The following C17orf113 variants were observed in gnomAD, a reference collection of about 807,000 sequenced individuals.
C17orf113 encodes the protein chromosome 17 open reading frame 113.
A neutral mutation model predicts 11.6 loss-of-function variants in C17orf113; 5 were observed. The observed-to-expected ratio is 0.43, with a 90% CI of 0.23 to 0.91. The LOEUF (loss-of-function observed/expected upper bound fraction) is 0.91, where lower values mean the gene tolerates loss of function less well. C17orf113 is among the 40% of genes least tolerant of loss of function. The pLI is 0.26. For missense variants in C17orf113, 714 were observed against 841.3 expected (o/e 0.85, Z 1.87); for synonymous variants, 327 against 390.6 (o/e 0.84, Z 1.92).
At position 42,039,975 on chromosome 17, in the gene C17orf113, C is replaced by T. The variant is rs1231835002; in HGVS notation, c.1758G>A (p.Ala586=). ...GGAAGAGCTCGTGCAGCTCCGAGTGCGCGCACGCCAGCTGGGTGCACAGGG... is the reference window on the plus strand; with the variant it reads ...GGAAGAGCTCGTGCAGCTCCGAGTGTGCGCACGCCAGCTGGGTGCACAGGG... ...PRALCTQLAC[A]HSELHELFPD... Residue 586 remains alanine (A), a synonymous_variant, in exon 3 of 3, where the codon GCG becomes GCA. Coordinates refer to ENST00000587304, the MANE Select transcript of C17orf113 (RefSeq NM_001358661.2). The T allele has an allele frequency of 7.3e-6, 9 of 1,231,060 alleles. No individual in the cohort carries two copies. In the East Asian group the frequency reaches 1.9e-4, roughly 26 times the overall value. The allele number at this position is 1,231,060 out of a possible 1,614,324, so 76.3% of individuals were successfully genotyped here.
chr17:42,048,115 G>A (rs187260208), intron 1 of C17orf113, among the ~76,000 whole-genome samples: 253 of 151,990 alleles, frequency 1.7e-3, no homozygotes, highest in Non-Finnish European at 2.8e-3. Context: ...ACTTCAAATT[G>A]TCTAACATTT....
chr17:42,047,137 T>C (rs1159210073), intron 1 of C17orf113, among the ~76,000 whole-genome samples: 1 of 151,996 alleles, frequency 6.6e-6, no homozygotes, highest in African/African-American at 2.4e-5. Flanking sequence ...GTTCACGCCA[T>C]TCTCCTGCCT....
rs140221462 is a variant in C17orf113, at chr17:42,042,968, A to G, written c.409T>C (p.Cys137Arg). ...TTGGGCACATCCTCCTTTGCCATGC[A>G]GTACACAGTAGTCAGCACAGCCACT... Reference protein sequence around the residue: ...AKVAVLTTVYCMAKEDVPNDR... With the variant: ...AKVAVLTTVYRMAKEDVPNDR... The change falls in exon 2 of 3, where the codon TGC becomes CGC. Residue 137 changes from cysteine to arginine, a missense_variant. Transcript: ENST00000587304. The G allele has an allele frequency of 3.2e-6, 4 of 1,232,384 alleles. No individual in the cohort carries two copies. Among genetic ancestry groups the G allele is most frequent in the Non-Finnish European group, 4.0e-6 (4 of 988,110 alleles). The allele number at this position is 1,232,384 out of a possible 1,614,324, so 76.3% of individuals were successfully genotyped here.
At chr17:42,044,195 C>T (rs931931366) in intron 1 of C17orf113, among the ~76,000 whole-genome samples, 54 of 149,148 alleles carry the variant, frequency 3.6e-4, no homozygotes, top group African/African-American at 1.3e-3. Context: ...TGTCTAGTCC[C>T]AGCTACTGGG....
At position 42,043,476 on chromosome 17, in the gene C17orf113, G is replaced by A. The variant is rs1249542888; in HGVS notation, c.-100C>T. On this transcript the variant is annotated 5_prime_UTR_variant, in exon 2 of 3. Coordinates refer to ENST00000587304, the MANE Select transcript of C17orf113 (RefSeq NM_001358661.2). ...ACCTCCCTTGACAAGGAGAGTTGAT[G>A]GGGAGGCAGGCTGGGGGCAGCCCGC... is the stretch of plus-strand genomic sequence containing the variant. 30 of 1,099,842 alleles carry A rather than the reference G, an allele frequency of 2.7e-5. No homozygotes were observed. In the East Asian group the frequency reaches 8.7e-4, roughly 32 times the overall value. The allele number at this position is 1,099,842 out of a possible 1,614,324, so 68.1% of individuals were successfully genotyped here. A position where few individuals can be genotyped will look rare whatever the true frequency, so the allele number is the denominator to read the frequency against.
At chr17:42,042,331 G>A (rs1477119419) in intron 2 of C17orf113, among the ~76,000 whole-genome samples, 1 of 152,144 alleles carries the variant, frequency 6.6e-6, no homozygotes, top group Non-Finnish European at 1.5e-5. Flanking sequence ...AAACTGGCCT[G>A]GCCAACATGG....
intron 2 of C17orf113, among the ~76,000 whole-genome samples, chr17:42,041,554 T>G (rs1232770612): frequency 6.6e-6 from 1 of 152,226 alleles, no homozygotes; most frequent in African/African-American, 2.4e-5. Context: ...GTAAAAGCAC[T>G]TTATGAATCA....
Position 42,040,729 on chromosome 17 carries a change from A to C in C17orf113, c.1004T>G (p.Leu335Arg). ...GGPSSHLVPE[L>R]RAALDLAAID... The stretch of plus-strand genomic sequence containing the variant: ...AGCTGCAAGGTCCAGTGCTGCCCGG[A>C]GCTCAGGGACCAAGTGGGAACTAGG... Residue 335 changes from leucine to arginine, a missense_variant, in exon 3 of 3, where the codon CTC becomes CGC. By Grantham distance (102) the Leu-to-Arg change is moderately radical. Around this residue, in one of 3 missense-constraint regions of C17orf113, gnomAD observed 516 missense variants for 626.6 expected, o/e 0.82. Coordinates refer to ENST00000587304, the MANE Select transcript of C17orf113 (RefSeq NM_001358661.2). The C allele has an allele frequency of 8.1e-7, 1 of 1,232,358 alleles. No homozygotes were observed. Among genetic ancestry groups the C allele is most frequent in the Non-Finnish European group, 1.0e-6 (1 of 988,110 alleles). The allele number at this position is 1,232,358 out of a possible 1,614,324, so 76.3% of individuals were successfully genotyped here.
Position 42,042,880 on chromosome 17 carries a change from G to T in C17orf113, c.497C>A (p.Thr166Lys), listed in dbSNP as rs2053058302. The change falls in exon 2 of 3, where the codon ACA becomes AAA. Residue 166 changes from threonine (T) to lysine (K), a missense_variant. Transcript: ENST00000587304. Reference sequence around the variant, plus strand: ...GGGACTGTAGTAATCGCCATGCTCTGTGCCCAGCAGTGCCTGGCACAGGTT... The same window carrying T: ...GGGACTGTAGTAATCGCCATGCTCTTTGCCCAGCAGTGCCTGGCACAGGTT... Reference protein sequence around the residue: ...RFNLCQALLGTEHGDYYSPRR... With the variant: ...RFNLCQALLGKEHGDYYSPRR... The T allele has an allele frequency of 8.1e-7, 1 of 1,232,196 alleles. No homozygotes were observed. The highest frequency in any genetic ancestry group is 1.6e-5 in the African/African-American group (1 of 64,378). The allele number at this position is 1,232,196 out of a possible 1,614,324, so 76.3% of individuals were successfully genotyped here.
At position 42,040,190 on chromosome 17, in the gene C17orf113, C is replaced by T. The variant is rs1212275230; in HGVS notation, c.1543G>A (p.Ala515Thr). Residue 515 changes from alanine to threonine, a missense_variant, in exon 3 of 3, where the codon GCC (alanine) becomes ACC (threonine). By Grantham distance (58) the Ala-to-Thr change is moderately conservative. Coordinates refer to ENST00000587304, the MANE Select transcript of C17orf113 (RefSeq NM_001358661.2). ...GGGTCGAAGATCGCTGCGAAGGCGG[C>T]CACGGCGTCCAGCGAAGGCCCGGGG... ...SYPGPSLDAV[A>T]AFAAIFDPRR... 17 of 1,231,456 alleles carry T rather than the reference C, an allele frequency of 1.4e-5. No homozygotes were observed. Among genetic ancestry groups the T allele is most frequent in the African/African-American group, 4.7e-5 (3 of 64,412 alleles). 76.3% of individuals were successfully genotyped at this position (1,231,456 alleles called of 1,614,324 possible). A position where few individuals can be genotyped will look rare whatever the true frequency, so the allele number is the denominator to read the frequency against.
intron 2 of C17orf113, among the ~76,000 whole-genome samples, chr17:42,041,903 T>C (rs996519852): frequency 3.3e-5 from 5 of 152,208 alleles, no homozygotes; most frequent in African/African-American, 1.2e-4. Context: ...GGGAACACCC[T>C]GCTCTCCAAC....
intron 1 of C17orf113, among the ~76,000 whole-genome samples, chr17:42,049,433 A>T (rs1439095512): frequency 6.6e-6 from 1 of 152,212 alleles, no homozygotes; most frequent in Admixed American, 6.5e-5. Flanking sequence ...TGAATCCCAG[A>T]GATGGGTACA....
chr17:42,039,618 A>G lies in C17orf113; in HGVS notation c.*87T>C. ...CCTGGGAGGCTGCAGTCAGCAGATC[A>G]TCTTGGGTGCAGCATGGTCAAGTCT... On this transcript the variant is annotated 3_prime_UTR_variant, in exon 3 of 3. Coordinates refer to ENST00000587304, the MANE Select transcript of C17orf113 (RefSeq NM_001358661.2). The G allele has an allele frequency of 2.6e-6, 3 of 1,163,238 alleles. No individual in the cohort carries two copies. Among genetic ancestry groups the G allele is most frequent in the Non-Finnish European group, 3.2e-6 (3 of 925,666 alleles). The allele number at this position is 1,163,238 out of a possible 1,614,324, so 72.1% of individuals were successfully genotyped here. A position where few individuals can be genotyped will look rare whatever the true frequency, so the allele number is the denominator to read the frequency against.
Position 42,040,592 on chromosome 17 carries a change from C to T in C17orf113, c.1141G>A (p.Ala381Thr), listed in dbSNP as rs529808229. ...LVPTLEAAALASPVAGSLALA... is the reference protein window; with the variant it reads ...LVPTLEAAALTSPVAGSLALA... ...GCCAGTGACCCCGCCACAGGTGAGGCAAGGGCTGCAGCCTCCAGGGTGGGC... is the reference window on the plus strand; with the variant it reads ...GCCAGTGACCCCGCCACAGGTGAGGTAAGGGCTGCAGCCTCCAGGGTGGGC... The change falls in exon 3 of 3, where the codon GCC (alanine) becomes ACC (threonine). Residue 381 changes from alanine (A) to threonine (T), a missense_variant. Physicochemically the swap from Ala to Thr is moderately conservative, Grantham distance 58. Around this residue, in one of 3 missense-constraint regions of C17orf113, gnomAD observed 516 missense variants for 626.6 expected, o/e 0.82. Coordinates refer to ENST00000587304, the MANE Select transcript of C17orf113 (RefSeq NM_001358661.2). 1.2e-4 allele frequency: 142 copies of T among 1,232,548 alleles called. 1 individual carries two copies. In the East Asian group the frequency reaches 4.2e-3, roughly 37 times the overall value. The allele number at this position is 1,232,548 out of a possible 1,614,324, so 76.4% of individuals were successfully genotyped here.
In C17orf113 at chr17:42,040,467, C is replaced by A. The variant is rs1363663157; in HGVS notation, c.1266G>T (p.Glu422Asp). 4 of 1,232,130 alleles carry A rather than the reference C, an allele frequency of 3.2e-6. No homozygotes were observed. Among genetic ancestry groups the A allele is most frequent in the Non-Finnish European group, 4.0e-6 (4 of 988,036 alleles). 76.3% of individuals were successfully genotyped at this position (1,232,130 alleles called of 1,614,324 possible). A position where few individuals can be genotyped will look rare whatever the true frequency, so the allele number is the denominator to read the frequency against. ...GAGGCTGCAGCAAGGCCAAGTCCGG[C>A]TCTTCTGCCTGCAGGACAAGGGAGA... Reference protein sequence around the residue: ...QKLSLVLQAEEPDLALLQPLV... With the variant: ...QKLSLVLQAEDPDLALLQPLV... The change falls in exon 3 of 3, where the codon GAG (glutamate) becomes GAT (aspartate). Residue 422 changes from glutamate (E) to aspartate (D), a missense_variant. Glu to Asp is a conservative substitution (Grantham distance 45, BLOSUM62 2). This residue lies in a region of C17orf113 where 516 missense variants were observed against 626.6 expected (regional missense o/e 0.82). Transcript: ENST00000587304.
chr17:42,044,687 T>C (rs1555656459), intron 1 of C17orf113, among the ~76,000 whole-genome samples: 1 of 151,852 alleles, frequency 6.6e-6, no homozygotes, highest in African/African-American at 2.4e-5. Flanking sequence ...AAGATTTGCT[T>C]TCTCTAAAGC....
intron 1 of C17orf113, among the ~76,000 whole-genome samples, chr17:42,045,637 ACTGT>A (rs1555656571): frequency 6.6e-6 from 1 of 152,184 alleles, no homozygotes; most frequent in Non-Finnish European, 1.5e-5. Context: ...CCTGGTCTGT[ACTGT>A]CTCTCTCCCT....
In C17orf113 at chr17:42,039,826, C is replaced by T. The variant is rs1555655893; in HGVS notation, c.1907G>A (p.Gly636Glu). ...CACTGCGATCTTCACCATGTGGCCC[C>T]CCCGGCCTTCCCCGGCCCCACTCTG... is the stretch of plus-strand genomic sequence containing the variant. ...WGQSGAGEGRGGHMVKIAVDG... is the reference protein window; with the variant it reads ...WGQSGAGEGREGHMVKIAVDG... The change falls in exon 3 of 3, where the codon GGG (glycine) becomes GAG (glutamate). Residue 636 changes from glycine (G) to glutamate (E), a missense_variant. By Grantham distance (98) the Gly-to-Glu change is moderately conservative. Transcript: ENST00000587304. The T allele has an allele frequency of 4.1e-6, 5 of 1,232,074 alleles. No individual in the cohort carries two copies. The allele number at this position is 1,232,074 out of a possible 1,614,324, so 76.3% of individuals were successfully genotyped here.
At chr17:42,043,613 G>A (rs2053081057) in intron 1 of C17orf113, 50 bp from the exon 2 acceptor site, 1 of 354,022 alleles carries the variant, frequency 2.8e-6, no homozygotes, top group East Asian at 4.2e-5. Flanking sequence ...TCATGGTAGG[G>A]GTGGTTTAGG....
Sources: allele counts gnomAD v4.1 joint callset (sites outside exome capture counted in the v4.1 genomes callset), GRCh38; gene constraint gnomAD v4.1.1; regional missense constraint gnomAD v4.1.1; transcripts MANE v1.5; gene names NCBI Gene and HGNC (gene_info 2026-07-23, HGNC 2026-07-21).